AMER1: variants seen among roughly 807,000 people sequenced by gnomAD.
The protein encoded by AMER1 is APC membrane recruitment protein 1.
In AMER1, 16 loss-of-function variants were observed where a neutral mutation model predicts 53.0. That is an observed-to-expected ratio of 0.30 (90% CI 0.20 to 0.46). The LOEUF (loss-of-function observed/expected upper bound fraction) is 0.46, where lower values mean the gene tolerates loss of function less well. Ranked by LOEUF, AMER1 falls within the 20% of genes least tolerant of loss-of-function variation. The pLI is 1.00. For synonymous variants in AMER1, 354 were observed against 331.9 expected (o/e 1.07, Z -0.73); for missense variants, 947 against 884.9 (o/e 1.07, Z -0.89).
intron 1 of AMER1, among the ~76,000 whole-genome samples, chrX:64,193,939 C>T (rs1930312339): frequency 8.9e-6 from 1 of 111,990 alleles, no homozygotes; most frequent in African/African-American, 3.3e-5. Flanking sequence ...TTTCACCTCC[C>T]ATCCAAAGCT....
Position 64,187,606 on chromosome X carries a change from C to T in AMER1, c.*2273G>A, listed in dbSNP as rs1930135486. ...CAGGGTCTGGAGGCTGGTGATGGCTCTACCGCCTGCTGTGGCTGGCACAGT... is the reference window on the plus strand; with the variant it reads ...CAGGGTCTGGAGGCTGGTGATGGCTTTACCGCCTGCTGTGGCTGGCACAGT... On this transcript the variant is annotated 3_prime_UTR_variant, in exon 2 of 2. Transcript: ENST00000374869. 3.2e-5 allele frequency: 25 copies of T among 776,452 alleles called. No homozygotes were observed. Among genetic ancestry groups the T allele is most frequent in the Non-Finnish European group, 3.5e-5 (23 of 651,958 alleles). The allele number at this position is 776,452 out of a possible 1,213,427, so 64.0% of individuals were successfully genotyped here.
rs1295447474 is a variant in AMER1 at position 64,190,628 on chromosome X, T to C, written c.2659A>G (p.Met887Val). The change falls in exon 2 of 2, where the codon ATG becomes GTG. Residue 887 changes from methionine (M) to valine (V), a missense_variant. Met to Val is a conservative substitution (Grantham distance 21). Transcript: ENST00000374869. ...GLHPRPPPAA[M>V]ALNRRSRSLD... ...GAGCGGCTTCTCCTGTTGAGGGCCATAGCAGCAGGTGGAGGTCGAGGGTGC... is the reference window on the plus strand; with the variant it reads ...GAGCGGCTTCTCCTGTTGAGGGCCACAGCAGCAGGTGGAGGTCGAGGGTGC... The C allele has an allele frequency of 2.5e-6, 3 of 1,210,111 alleles. No individual in the cohort carries two copies. Among genetic ancestry groups the C allele is most frequent in the Non-Finnish European group, 3.4e-6 (3 of 895,236 alleles).
chrX:64,199,205 C>A (rs927607751), intron 1 of AMER1, among the ~76,000 whole-genome samples: 14 of 112,404 alleles, frequency 1.2e-4, no homozygotes, highest in Non-Finnish European at 1.9e-4. Flanking sequence ...CCCCACCAGC[C>A]CCTCTCAACT....
At position 64,190,795 on chromosome X, in the gene AMER1, T is replaced by C; in HGVS notation, c.2492A>G (p.Asp831Gly). 8.3e-7 allele frequency: 1 copy of C among 1,210,076 alleles called. No homozygotes were observed. The highest frequency in any genetic ancestry group is 1.1e-6 in the Non-Finnish European group (1 of 894,697). Residue 831 changes from aspartate (D) to glycine (G), a missense_variant, in exon 2 of 2, where the codon GAT becomes GGT. By Grantham distance (94) the Asp-to-Gly change is moderately conservative. Transcript: ENST00000374869. Reference protein sequence around the residue: ...KCEENPEFHNDEDLAASLEAF... With the variant: ...KCEENPEFHNGEDLAASLEAF... Reference sequence around the variant, plus strand: ...TTCCAAGGAGGCTGCAAGATCTTCATCATTGTGGAACTCAGGATTCTCTTC... The same window carrying C: ...TTCCAAGGAGGCTGCAAGATCTTCACCATTGTGGAACTCAGGATTCTCTTC...
At chrX:64,202,837 C>T (rs748502445) in intron 1 of AMER1, among the ~76,000 whole-genome samples, 1 of 111,821 alleles carries the variant, frequency 8.9e-6, no homozygotes, top group African/African-American at 3.2e-5. Flanking sequence ...TAGCAACTCC[C>T]TGTCAATTCC....
At chrX:64,200,801 C>T (rs1930471993) in intron 1 of AMER1, among the ~76,000 whole-genome samples, 1 of 111,766 alleles carries the variant, frequency 8.9e-6, no homozygotes, top group Non-Finnish European at 1.9e-5. Context: ...TACACCACCC[C>T]TCAACATTTT....
In AMER1 at chrX:64,194,457, G is replaced by A. The variant is rs369566035; in HGVS notation, c.-98-1073C>T. On this transcript the variant is annotated intron_variant, in intron 1 of 1. Transcript: ENST00000374869. ...CAAATGCCCAAATACCAACAGAGAT[G>A]GAATAAAAACAAGACCTAGCCACTA... Among the ~76,000 whole-genome samples the A allele has an allele frequency of 3.8e-4, 42 of 111,490 alleles. No individual in the cohort carries two copies. The East Asian group carries it at 8.8e-3, about 23-fold the overall frequency.
At chrX:64,201,818 AG>A (rs1930494566) in intron 1 of AMER1, among the ~76,000 whole-genome samples, 1 of 111,725 alleles carries the variant, frequency 9.0e-6, no homozygotes, top group Admixed American at 9.4e-5. Flanking sequence ...CTACGAGTGG[AG>A]ATGTAACAGT....
In AMER1 at chrX:64,192,392, T is replaced by C. The variant is rs2147089507; in HGVS notation, c.895A>G (p.Asn299Asp). ...TGEKVVAGEV[N>D]PPNGPVGDPL... is the part of the protein sequence containing the mutation. ...TCCCCCACAGGGCCATTGGGTGGGTTTACCTCTCCTGCTACTACCTTCTCC... is the reference window on the plus strand; with the variant it reads ...TCCCCCACAGGGCCATTGGGTGGGTCTACCTCTCCTGCTACTACCTTCTCC... The change falls in exon 2 of 2, where the codon AAC becomes GAC. Residue 299 changes from asparagine to aspartate, a missense_variant. Physicochemically the swap from Asn to Asp is conservative, Grantham distance 23 (BLOSUM62 1). Transcript: ENST00000374869. The C allele has an allele frequency of 8.2e-7, 1 of 1,212,160 alleles. No homozygotes were observed. The highest frequency in any genetic ancestry group is 1.8e-5 in the South Asian group (1 of 56,973).
intron 1 of AMER1, among the ~76,000 whole-genome samples, chrX:64,205,083 G>A (rs972028801): frequency 1.8e-5 from 2 of 113,817 alleles, no homozygotes; most frequent in Non-Finnish European, 3.7e-5. Context: ...AAAGGAGGGA[G>A]AGGCTGGAGA....
Position 64,185,919 on chromosome X carries a change from A to G in AMER1, c.*3960T>C, listed in dbSNP as rs1930095938. 2.6e-6 allele frequency: 1 copy of G among 383,726 alleles called. No individual in the cohort carries two copies. The highest frequency in any genetic ancestry group is 5.0e-5 in the South Asian group (1 of 20,175). 31.6% of individuals were successfully genotyped at this position (383,726 alleles called of 1,213,427 possible). ...CCCTTCCTTCCCCATTGGGTGGAGA[A>G]TGTTCCCAAAATGCTCCTTTGGAGA... On this transcript the variant is annotated 3_prime_UTR_variant, in exon 2 of 2. Coordinates refer to ENST00000374869, the MANE Select transcript of AMER1 (RefSeq NM_152424.4).
chrX:64,191,485 C>T lies in AMER1; in HGVS notation c.1802G>A (p.Arg601Gln), dbSNP rs149865410. 2.1e-4 allele frequency: 255 copies of T among 1,210,624 alleles called. No individual in the cohort carries two copies. Among genetic ancestry groups the T allele is most frequent in the Non-Finnish European group, 2.7e-4 (244 of 895,281 alleles). The change falls in exon 2 of 2, where the codon CGA becomes CAA. Residue 601 changes from arginine (R) to glutamine (Q), a missense_variant. By Grantham distance (43) the Arg-to-Gln change is conservative (BLOSUM62 1). Transcript: ENST00000374869. The part of the protein sequence containing the change: ...REAHAREAYT[R>Q]EAYGREAYAR... The stretch of plus-strand genomic sequence containing the variant: ...ATAGGCTTCCCTGCCATAAGCCTCT[C>T]GAGTATAGGCCTCCCTGGCGTGGGC...
chrX:64,196,337 C>A (rs1222204146), intron 1 of AMER1, among the ~76,000 whole-genome samples: 3 of 112,326 alleles, frequency 2.7e-5, no homozygotes, highest in Non-Finnish European at 5.6e-5. Flanking sequence ...ACCTATCCTT[C>A]TACCTGCCCA....
Position 64,192,518 on chromosome X carries a change from C to G in AMER1, c.769G>C (p.Asp257His), listed in dbSNP as rs1930273555. 8.3e-7 allele frequency: 1 copy of G among 1,204,911 alleles called. No homozygotes were observed. The highest frequency in any genetic ancestry group is 1.1e-6 in the Non-Finnish European group (1 of 893,385). ...CAGGCCTCCATGGGTTTTTCTGGAT[C>G]TTTACAGGCCATTTTCTCAGTAGCT... ...PPATEKMACK[D>H]PEKPMEACAS... The change falls in exon 2 of 2, where the codon GAT becomes CAT. Residue 257 changes from aspartate (D) to histidine (H), a missense_variant. Asp to His is a moderately conservative substitution (Grantham distance 81). Coordinates refer to ENST00000374869, the MANE Select transcript of AMER1 (RefSeq NM_152424.4).
In AMER1 at chrX:64,191,136, G is replaced by A. The variant is rs2147086689; in HGVS notation, c.2151C>T (p.Cys717=). ...CATCACTCTGGAAGAGCTGCATCAG[G>A]CAGGTACTTTGATCTTTCTTGGAGC... ...GTCSKKDQST[C]LMQLFQSDAM... The change falls in exon 2 of 2, where the codon TGC becomes TGT. Residue 717 remains cysteine, a synonymous_variant. Transcript: ENST00000374869. The A allele has an allele frequency of 8.2e-7, 1 of 1,212,221 alleles. No homozygotes were observed. Among genetic ancestry groups the A allele is most frequent in the East Asian group, 3.0e-5 (1 of 33,811 alleles).
chrX:64,197,611 C>T (rs1357115965), intron 1 of AMER1, among the ~76,000 whole-genome samples: 4 of 112,678 alleles, frequency 3.5e-5, no homozygotes, highest in Admixed American at 1.9e-4. Context: ...ATGGCCTTGA[C>T]CAGCCATAGT....
Position 64,188,729 on chromosome X carries a change from C to T in AMER1, c.*1150G>A, listed in dbSNP as rs1179251245. The T allele has an allele frequency of 1.3e-6, 1 of 798,871 alleles. No individual in the cohort carries two copies. Among genetic ancestry groups the T allele is most frequent in the Non-Finnish European group, 1.5e-6 (1 of 667,804 alleles). The allele number at this position is 798,871 out of a possible 1,213,427, so 65.8% of individuals were successfully genotyped here. ...AGAAACTGAGATACCTTAAGCTCTG[C>T]ATGGTCTGAAATCCCCTTTCTTGCT... On this transcript the variant is annotated 3_prime_UTR_variant, in exon 2 of 2. Coordinates refer to ENST00000374869, the MANE Select transcript of AMER1 (RefSeq NM_152424.4).
At position 64,192,976 on chromosome X, in the gene AMER1, T is replaced by C. The variant is rs149109618; in HGVS notation, c.311A>G (p.His104Arg). 2.5e-4 allele frequency: 306 copies of C among 1,210,017 alleles called. No individual in the cohort carries two copies. Among genetic ancestry groups the C allele is most frequent in the Middle Eastern group, 9.2e-4 (4 of 4,354 alleles). ...KTHDGLSEAA[H>R]GPEDVVSEGT... ...TTCACTGACAACATCTTCAGGGCCA[T>C]GGGCTGCTTCACTCAGGCCATCGTG... is the stretch of plus-strand genomic sequence containing the variant. The change falls in exon 2 of 2, where the codon CAT becomes CGT. Residue 104 changes from histidine (H) to arginine (R), a missense_variant. Transcript: ENST00000374869.
Position 64,186,106 on chromosome X carries a change from T to C in AMER1, c.*3773A>G. On this transcript the variant is annotated 3_prime_UTR_variant, in exon 2 of 2. Coordinates refer to ENST00000374869, the MANE Select transcript of AMER1 (RefSeq NM_152424.4). ...AAAAACATAAAATAAAGCCAGAAAA[T>C]GACAAGCTGTCTACCAGGTCCCACA... 1 of 1,200,130 alleles carries C rather than the reference T, an allele frequency of 8.3e-7. No individual in the cohort carries two copies. Among genetic ancestry groups the C allele is most frequent in the Non-Finnish European group, 1.1e-6 (1 of 886,252 alleles).
Sources: gnomAD v4.1 joint callset for allele counts (sites outside exome capture counted in the v4.1 genomes callset) on GRCh38, gnomAD v4.1.1 for gene constraint, MANE v1.5 for transcripts, NCBI Gene and HGNC (gene_info 2026-07-23, HGNC 2026-07-21) for gene names.